The following NRXN1 variants were observed in gnomAD, a reference collection of about 807,000 sequenced individuals.
NRXN1 encodes neurexin-1.
NRXN1 carries 39 observed loss-of-function variants against 150.9 expected under a neutral mutation model. The ratio of observed to expected loss-of-function variants is 0.26; its 90% CI spans 0.20 to 0.34. NRXN1 has a LOEUF of 0.34. Ranked by LOEUF, NRXN1 falls within the 10% of genes least tolerant of loss-of-function variation. The probability of loss-of-function intolerance (pLI) is 1.00; values close to 1 mark genes in which losing one functional copy is unlikely to be tolerated. For missense variants in NRXN1, 1,815 were observed against 1,949.9 expected (o/e 0.93, Z 1.30); for synonymous variants, 924 against 757.0 (o/e 1.22, Z -3.62).
At chr2:50,111,899 C>A (rs1702421396) in intron 18 of NRXN1, among the ~76,000 whole-genome samples, 1 of 152,080 alleles carries the variant, frequency 6.6e-6, no homozygotes, top group Non-Finnish European at 1.5e-5. Flanking sequence ...GACCTTAGCA[C>A]AATACACTAA....
chr2:50,532,850 T>C (rs2093154564), intron 10 of NRXN1, among the ~76,000 whole-genome samples: 1 of 152,130 alleles, frequency 6.6e-6, no homozygotes, highest in African/African-American at 2.4e-5. Flanking sequence ...AGTGGAATAT[T>C]GCAAAACAAG....
intron 18 of NRXN1, among the ~76,000 whole-genome samples, chr2:50,097,642 C>CTT (rs113108927): frequency 5.5e-5 from 8 of 144,896 alleles, no homozygotes; most frequent in Non-Finnish European, 7.6e-5. Context: ...AGCCCAAACA[C>CTT]TTTTTTTTTT....
intron 18 of NRXN1, among the ~76,000 whole-genome samples, chr2:50,182,685 G>C (rs1274753471): frequency 6.6e-6 from 1 of 151,932 alleles, no homozygotes; most frequent in Non-Finnish European, 1.5e-5. Flanking sequence ...TACAATGCTG[G>C]AAATTCACAA....
intron 5 of NRXN1, among the ~76,000 whole-genome samples, chr2:50,870,708 C>T (rs1387080052): frequency 6.6e-6 from 1 of 151,886 alleles, no homozygotes; most frequent in Non-Finnish European, 1.5e-5. Flanking sequence ...AACATTTTCC[C>T]CTTTCCTGGA....
intron 17 of NRXN1, among the ~76,000 whole-genome samples, chr2:50,278,285 A>ATATTATATATATT (rs1558437343): frequency 1.8e-4 from 11 of 60,700 alleles, no homozygotes; most frequent in African/African-American, 7.0e-4. Flanking sequence ...TTATATATAT[A>ATATTATATATATT]ATACATATAT....
At chr2:50,638,372 C>T (rs889746843) in intron 5 of NRXN1, among the ~76,000 whole-genome samples, 1 of 152,134 alleles carries the variant, frequency 6.6e-6, no homozygotes, top group Non-Finnish European at 1.5e-5. Flanking sequence ...GGCCTTCTCT[C>T]ACCTTATTCT....
chr2:50,769,730 C>G (rs1574414959), intron 5 of NRXN1, among the ~76,000 whole-genome samples: 1 of 152,124 alleles, frequency 6.6e-6, no homozygotes, highest in South Asian at 2.1e-4. Context: ...TTTATACTTT[C>G]ATAAAGCCTT....
intron 18 of NRXN1, among the ~76,000 whole-genome samples, chr2:50,206,573 C>T (rs1031148968): frequency 2.6e-5 from 4 of 151,934 alleles, no homozygotes; most frequent in Admixed American, 1.3e-4. Flanking sequence ...ACCACATCCT[C>T]TGCAGTAATC....
At chr2:50,912,776 AAAAAAAAAAAG>A (rs1032531632) in intron 5 of NRXN1, 9 of 107,940 alleles carry the variant, frequency 8.3e-5, no homozygotes, top group South Asian at 3.2e-4. Flanking sequence ...TAGTTAAACA[AAAAAAAAAAAG>A]AAAAAAAAAA....
chr2:50,103,929 C>A (rs1307454361), intron 18 of NRXN1, among the ~76,000 whole-genome samples: 1 of 151,976 alleles, frequency 6.6e-6, no homozygotes, highest in African/African-American at 2.4e-5. Flanking sequence ...CTTTTCATTT[C>A]CATAAATGTC....
chr2:49,994,300 G>A (rs1297425937), intron 21 of NRXN1, among the ~76,000 whole-genome samples: 1 of 152,156 alleles, frequency 6.6e-6, no homozygotes, highest in East Asian at 1.9e-4. Flanking sequence ...GCAGAAATAG[G>A]TGTAGAATAT....
chr2:50,305,930 T>G (rs563150294), intron 17 of NRXN1, among the ~76,000 whole-genome samples: 1 of 152,206 alleles, frequency 6.6e-6, no homozygotes, highest in Non-Finnish European at 1.5e-5. Flanking sequence ...CATGATCAAT[T>G]TAGCCCTACC....
chr2:50,961,060 A>G (rs1164597973), intron 2 of NRXN1, among the ~76,000 whole-genome samples: 1 of 151,766 alleles, frequency 6.6e-6, no homozygotes, highest in Admixed American at 6.6e-5. Flanking sequence ...TTTTTTGCCT[A>G]CTCTCTATTT....
intron 16 of NRXN1, among the ~76,000 whole-genome samples, chr2:50,466,234 A>G (rs973423276): frequency 5.3e-5 from 8 of 151,852 alleles, no homozygotes; most frequent in Non-Finnish European, 1.5e-5. Context: ...TAAAAAAAGC[A>G]TGATCAAAGC....
chr2:50,218,505 T>C (rs1559112194), intron 18 of NRXN1, among the ~76,000 whole-genome samples: 1 of 151,654 alleles, frequency 6.6e-6, no homozygotes, highest in Admixed American at 6.6e-5. Flanking sequence ...TTTTTTTTTT[T>C]TTCTTTCTCA....
chr2:50,364,406 C>G (rs1198460042), intron 17 of NRXN1, among the ~76,000 whole-genome samples: 1 of 152,090 alleles, frequency 6.6e-6, no homozygotes, highest in African/African-American at 2.4e-5. Flanking sequence ...GAAAACCTGC[C>G]TCCTTCAGAA....
intron 5 of NRXN1, among the ~76,000 whole-genome samples, chr2:50,876,751 A>G (rs201908472): frequency 1.3e-5 from 2 of 151,756 alleles, no homozygotes; most frequent in Non-Finnish European, 1.5e-5. Context: ...TCGGCTCTTT[A>G]TTTTTAAGCA....
intron 17 of NRXN1, among the ~76,000 whole-genome samples, chr2:50,247,991 A>T (rs146013426): frequency 0.013 from 1,911 of 152,184 alleles, 23 homozygotes; most frequent in Non-Finnish European, 0.02. Context: ...TAAATATATT[A>T]GTCATGAAGA....
rs541975287 is a variant in NRXN1 at position 50,566,879 on chromosome 2, A to T, written c.1321-13854T>A. Among the ~76,000 whole-genome samples the T allele has an allele frequency of 9.2e-5, 14 of 152,086 alleles. 2 individuals carry two copies. In the East Asian group the frequency reaches 2.7e-3, roughly 30 times the overall value. ...GCCCTGGTTCTGGGCACACTTTCTC[A>T]ATCTCATCATCATGCCTTTCGTGTA... On this transcript the variant is annotated intron_variant, in intron 8 of 22. Coordinates refer to ENST00000401669, the MANE Select transcript of NRXN1 (RefSeq NM_001330078.2).
Sources: gnomAD v4.1 joint callset for allele counts (sites outside exome capture counted in the v4.1 genomes callset) on GRCh38, gnomAD v4.1.1 for gene constraint, MANE v1.5 for transcripts, NCBI Gene and HGNC (gene_info 2026-07-23, HGNC 2026-07-21) for gene names.